ASPRV1: variants seen among roughly 807,000 people sequenced by gnomAD.
The protein encoded by ASPRV1 is retroviral-like aspartic protease 1.
A neutral mutation model predicts 11.0 loss-of-function variants in ASPRV1; 7 were observed. That is an observed-to-expected ratio of 0.64 (90% CI 0.36 to 1.20). The LOEUF is 1.20. Among genes scored for constraint, ASPRV1 ranks in the 50% most tolerant of loss-of-function variants. The pLI is 0.02. For synonymous variants in ASPRV1, 136 were observed against 138.4 expected (o/e 0.98, Z 0.12); for missense variants, 299 against 320.0 (o/e 0.93, Z 0.50).
chr2:70,049,253 T>C, the ASPRV1 span: 1 of 141,294 alleles, frequency 7.1e-6, no homozygotes, highest in Non-Finnish European at 1.5e-5. Context: ...TGGGGGATAC[T>C]ATTCAATTCG....
the ASPRV1 span, among the ~76,000 whole-genome samples, chr2:70,041,990 G>A: frequency 6.6e-6 from 1 of 151,852 alleles, no homozygotes; most frequent in African/African-American, 2.4e-5. Context: ...ATCTTCATCT[G>A]GAATTACTCT....
chr2:69,938,633 C>T, the ASPRV1 span: 1 of 193,792 alleles, frequency 5.2e-6, no homozygotes, highest in Non-Finnish European at 1.1e-5. Context: ...AGTTTTCTGG[C>T]TTACTGTGTT....
chr2:70,055,046 T>C, the ASPRV1 span, among the ~76,000 whole-genome samples: 2 of 152,218 alleles, frequency 1.3e-5, no homozygotes, highest in African/African-American at 4.8e-5. Flanking sequence ...CTCACGCCTA[T>C]AATCCCAGCA....
At chr2:69,933,955 C>T in the ASPRV1 span, among the ~76,000 whole-genome samples, 2 of 152,204 alleles carry the variant, frequency 1.3e-5, no homozygotes, top group Admixed American at 1.3e-4. Flanking sequence ...TTATCTAAAA[C>T]CTGAAGACTC....
chr2:70,082,618 G>A, the ASPRV1 span, among the ~76,000 whole-genome samples: 1 of 152,216 alleles, frequency 6.6e-6, no homozygotes, highest in Non-Finnish European at 1.5e-5. Context: ...GCTGAGGCAG[G>A]AGAATCGCTT....
At chr2:69,954,472 T>C in the ASPRV1 span, among the ~76,000 whole-genome samples, 1 of 152,198 alleles carries the variant, frequency 6.6e-6, no homozygotes, top group Non-Finnish European at 1.5e-5. Flanking sequence ...AGAATATTAA[T>C]AAACTTAAAA....
the ASPRV1 span, among the ~76,000 whole-genome samples, chr2:70,040,016 T>C: frequency 3.7e-4 from 56 of 152,212 alleles, 1 homozygote; most frequent in South Asian, 8.7e-3. Flanking sequence ...ACAATATAAT[T>C]TGGCTTGAGA....
At chr2:69,974,183 C>T in the ASPRV1 span, among the ~76,000 whole-genome samples, 1 of 151,780 alleles carries the variant, frequency 6.6e-6, no homozygotes, top group Non-Finnish European at 1.5e-5. Flanking sequence ...AATAACAATA[C>T]AAAATTAGCC....
At chr2:69,989,147 C>T in the ASPRV1 span, among the ~76,000 whole-genome samples, 1 of 152,210 alleles carries the variant, frequency 6.6e-6, no homozygotes, top group African/African-American at 2.4e-5. Context: ...CACACTTCTC[C>T]CGGGCTGGAG....
At chr2:70,034,097 G>A in the ASPRV1 span, among the ~76,000 whole-genome samples, 1 of 140,942 alleles carries the variant, frequency 7.1e-6, no homozygotes, top group Non-Finnish European at 1.5e-5. Context: ...GGAGCCTGCA[G>A]TGAGCCGAGA....
the ASPRV1 span, among the ~76,000 whole-genome samples, chr2:70,010,816 C>T: frequency 1.3e-5 from 2 of 152,300 alleles, no homozygotes; most frequent in East Asian, 1.9e-4. Context: ...TTCCCCACTG[C>T]ACTGGGTCCT....
the ASPRV1 span, among the ~76,000 whole-genome samples, chr2:69,950,847 A>AT: frequency 1.1e-5 from 1 of 88,784 alleles, no homozygotes; most frequent in Non-Finnish European, 1.9e-5. Context: ...TGTCTCAAAA[A>AT]TAAATAAATA....
At chr2:70,021,656 T>G in the ASPRV1 span, among the ~76,000 whole-genome samples, 9 of 151,370 alleles carry the variant, frequency 5.9e-5, no homozygotes, top group African/African-American at 2.2e-4. Context: ...TCCAATATAG[T>G]ACCTATAGTT....
the ASPRV1 span, among the ~76,000 whole-genome samples, chr2:70,036,016 G>A: frequency 1.8e-4 from 27 of 151,188 alleles, no homozygotes; most frequent in Middle Eastern, 3.5e-3. Context: ...TGAACTTTGA[G>A]GCTGAATATC....
chr2:70,017,234 G>A, the ASPRV1 span, among the ~76,000 whole-genome samples: 27 of 152,254 alleles, frequency 1.8e-4, no homozygotes, highest in African/African-American at 6.3e-4. Context: ...CTTGTGATCT[G>A]CCCACCTCAG....
the ASPRV1 span, among the ~76,000 whole-genome samples, chr2:69,996,322 G>T: frequency 2.0e-5 from 3 of 151,666 alleles, no homozygotes; most frequent in Non-Finnish European, 4.4e-5. Flanking sequence ...AGCCCAGGAG[G>T]TCAAAGCTGC....
chr2:70,017,893 A>G, the ASPRV1 span: 2 of 152,220 alleles, frequency 1.3e-5, no homozygotes, highest in East Asian at 3.8e-4. Flanking sequence ...CAATCCCAGC[A>G]CTTTGGGAGG....
Position 69,961,606 on chromosome 2 carries a change from G to C in ASPRV1, c.-170C>G, listed in dbSNP as rs1209688188. ...AGCAGGCGCGGTCGGCTGGCTGACTGCTGGGGCAGAGGCAGGCAGTGCTGT... is the reference window on the plus strand; with the variant it reads ...AGCAGGCGCGGTCGGCTGGCTGACTCCTGGGGCAGAGGCAGGCAGTGCTGT... On this transcript the variant is annotated 5_prime_UTR_variant, in exon 1 of 1. Transcript: ENST00000320256. 1.2e-6 allele frequency: 2 copies of C among 1,611,390 alleles called. No homozygotes were observed. Among genetic ancestry groups the C allele is most frequent in the East Asian group, 2.2e-5 (1 of 44,874 alleles).
chr2:70,041,808 T>G, the ASPRV1 span, among the ~76,000 whole-genome samples: 2 of 152,174 alleles, frequency 1.3e-5, no homozygotes, highest in African/African-American at 4.8e-5. Flanking sequence ...ATTTACCACT[T>G]CCTGTTTCCA....
Sources: gnomAD v4.1 joint callset for allele counts (sites outside exome capture counted in the v4.1 genomes callset) on GRCh38, gnomAD v4.1.1 for gene constraint, MANE v1.5 for transcripts, NCBI Gene and HGNC (gene_info 2026-07-23, HGNC 2026-07-21) for gene names.